USP42: variants seen among roughly 807,000 people sequenced by gnomAD.
USP42 encodes the protein ubiquitin specific peptidase 42.
In USP42, 23 loss-of-function variants were observed where a neutral mutation model predicts 113.0. The ratio of observed to expected loss-of-function variants is 0.20; its 90% CI spans 0.15 to 0.29. The LOEUF is 0.29. Ranked by LOEUF, USP42 falls within the 10% of genes least tolerant of loss-of-function variation. USP42 has a pLI of 1.00. For missense variants in USP42, 2,174 were observed against 1,779.8 expected (o/e 1.22, Z -3.99); for synonymous variants, 933 against 699.0 (o/e 1.33, Z -5.28).
intron 3 of USP42, among the ~76,000 whole-genome samples, chr7:6,123,273 C>G (rs1241226736): frequency 6.6e-6 from 1 of 152,154 alleles, no homozygotes. Context: ...CCTGTAATCC[C>G]AACACTTTGG....
Position 6,139,202 on chromosome 7 carries a change from C to T in USP42, c.656+8C>T. ...CTTGAATGGCAGCAATAAGTAAGTA[C>T]AACAGAGCGCCAGCCATGTCTTCAT... is the stretch of plus-strand genomic sequence containing the variant. On this transcript the variant is annotated splice_region_variant and intron_variant, in intron 5 of 17. Transcript: ENST00000306177. The surrounding 1 kb of genome is among the most constrained non-coding windows in gnomAD (Gnocchi z 4.5). 6.3e-7 allele frequency: 1 copy of T among 1,575,972 alleles called. No homozygotes were observed. The highest frequency in any genetic ancestry group is 8.6e-7 in the Non-Finnish European group (1 of 1,157,680).
At chr7:6,144,011 C>CA (rs1181818818) in intron 8 of USP42, 74 bp from the exon 9 acceptor site, 4 of 985,100 alleles carry the variant, frequency 4.1e-6, no homozygotes, top group African/African-American at 3.4e-5. Flanking sequence ...AGAATAGTAA[C>CA]AAGAAAGACC....
chr7:6,146,083 T>C, intron 10 of USP42, 65 bp from the exon 11 acceptor site: 1 of 1,227,084 alleles, frequency 8.1e-7, no homozygotes, highest in Middle Eastern at 2.2e-4. Context: ...AAGAAATATT[T>C]CTCTTGACTA....
chr7:6,149,439 C>A (rs1781907218), intron 12 of USP42, 144 bp from the exon 13 acceptor site: 1 of 1,055,006 alleles, frequency 9.5e-7, no homozygotes, highest in Non-Finnish European at 1.3e-6. Context: ...TTGAGAAAAA[C>A]AGAGAACATT....
At chr7:6,155,510 A>G (rs1782395020) in intron 15 of USP42, among the ~76,000 whole-genome samples, 1 of 152,210 alleles carries the variant, frequency 6.6e-6, no homozygotes, top group African/African-American at 2.4e-5. Flanking sequence ...GTGTTCCATC[A>G]ATGAACAATT....
chr7:6,160,205 G>C (rs1399119874), intron 17 of USP42, among the ~76,000 whole-genome samples: 2 of 152,244 alleles, frequency 1.3e-5, no homozygotes, highest in East Asian at 3.9e-4. Flanking sequence ...CAAGTGAAGA[G>C]TCTGTGGATT....
the USP42 span, among the ~76,000 whole-genome samples, chr7:6,092,178 CT>C: frequency 0.3 from 26,873 of 90,754 alleles, 3,573 homozygotes; most frequent in Middle Eastern, 0.51. Context: ...TTCTTCTTCT[CT>C]TTTTTTTTTT....
At chr7:6,105,853 G>C (rs1264262726) in intron 1 of USP42, among the ~76,000 whole-genome samples, 1 of 152,222 alleles carries the variant, frequency 6.6e-6, no homozygotes, top group Admixed American at 6.5e-5. Flanking sequence ...CAGTGGAGAT[G>C]ACTTTTGTTA....
intron 3 of USP42, among the ~76,000 whole-genome samples, chr7:6,120,371 T>C (rs1388588450): frequency 1.3e-5 from 2 of 152,158 alleles, no homozygotes; most frequent in African/African-American, 4.8e-5. Context: ...GCCTCCCAGG[T>C]AACTGGGATT....
intron 2 of USP42, chr7:6,112,035 T>G (rs1005634440): frequency 6.6e-6 from 1 of 152,346 alleles, no homozygotes; most frequent in Non-Finnish European, 1.5e-5. Context: ...TTTTACAAAT[T>G]TAAAGGTGTT....
At chr7:6,092,103 T>TTCTTCTTCCTCC in the USP42 span, among the ~76,000 whole-genome samples, 1 of 86,876 alleles carries the variant, frequency 1.2e-5, no homozygotes, top group Non-Finnish European at 2.3e-5. Flanking sequence ...CTTCCTCCTC[T>TTCTTCTTCCTCC]TCTTCTTCTT....
At chr7:6,129,329 G>A (rs1228253878) in intron 3 of USP42, among the ~76,000 whole-genome samples, 3 of 151,990 alleles carry the variant, frequency 2.0e-5, no homozygotes, top group Non-Finnish European at 2.9e-5. Context: ...GCCGAGGCAG[G>A]TGGATCACCT....
chr7:6,144,209 T>C lies in USP42; in HGVS notation c.990+13T>C, dbSNP rs201014093. 103 of 1,520,758 alleles carry C rather than the reference T, an allele frequency of 6.8e-5. No homozygotes were observed. Among genetic ancestry groups the C allele is most frequent in the Non-Finnish European group, 8.7e-5 (97 of 1,115,082 alleles). 94.2% of individuals were successfully genotyped at this position (1,520,758 alleles called of 1,614,324 possible). On this transcript the variant is annotated intron_variant, in intron 9 of 17. Transcript: ENST00000306177. ...AAAAATTGCTAAGGTATGTGGATGA[T>C]GTCATTAATCATGTTTTATGTCGAG...
chr7:6,099,278 G>C, the USP42 span, among the ~76,000 whole-genome samples: 2 of 139,006 alleles, frequency 1.4e-5, no homozygotes, highest in Non-Finnish European at 3.1e-5. Flanking sequence ...GCAGTGGCGC[G>C]ATCTCAGCTC....
At chr7:6,148,199 A>G (rs915707775) in intron 12 of USP42, among the ~76,000 whole-genome samples, 12 of 152,192 alleles carry the variant, frequency 7.9e-5, no homozygotes, top group African/African-American at 2.6e-4. Flanking sequence ...TCAGCCGGGT[A>G]TGGTGGTGTG....
upstream of USP42, among the ~76,000 whole-genome samples, chr7:6,103,653 C>A (rs1051241128): frequency 6.8e-6 from 1 of 146,094 alleles, no homozygotes; most frequent in Non-Finnish European, 1.5e-5. Context: ...GTAATCCCAG[C>A]GCTTTGGGAG....
At chr7:6,112,212 G>A (rs901807545) in intron 2 of USP42, among the ~76,000 whole-genome samples, 5 of 152,120 alleles carry the variant, frequency 3.3e-5, no homozygotes, top group Non-Finnish European at 5.9e-5. Flanking sequence ...ACTTTGGGAG[G>A]CCAAGGCAGG....
chr7:6,113,528 G>A (rs1779713889), intron 2 of USP42, among the ~76,000 whole-genome samples: 1 of 152,108 alleles, frequency 6.6e-6, no homozygotes, highest in South Asian at 2.1e-4. Flanking sequence ...CCAAGCTGTA[G>A]CCTGCCTACG....
intron 1 of USP42, among the ~76,000 whole-genome samples, chr7:6,106,685 C>T (rs2128473131): frequency 6.6e-6 from 1 of 152,260 alleles, no homozygotes; most frequent in African/African-American, 2.4e-5. Flanking sequence ...CCACCTCAGC[C>T]TCCTAAGTAG....
Sources: allele counts gnomAD v4.1 joint callset (sites outside exome capture counted in the v4.1 genomes callset), GRCh38; gene constraint gnomAD v4.1.1; non-coding constraint Gnocchi (gnomAD v3.1); transcripts MANE v1.5; gene names NCBI Gene and HGNC (gene_info 2026-07-23, HGNC 2026-07-21).